The following WDR25 variants were observed in gnomAD, a reference collection of about 807,000 sequenced individuals.
WDR25 encodes the protein WD repeat-containing protein 25.
In WDR25, 35 loss-of-function variants were observed where a neutral mutation model predicts 47.7. The observed-to-expected ratio is 0.73, with a 90% CI of 0.56 to 0.97. The LOEUF is 0.97. Ranked by LOEUF, WDR25 falls within the 50% of genes least tolerant of loss-of-function variation. The probability of loss-of-function intolerance (pLI) is 0.00; values close to 1 mark genes in which losing one functional copy is unlikely to be tolerated. For missense variants in WDR25, 634 were observed against 704.7 expected, an observed-to-expected ratio of 0.90 and a Z score of 1.14; for synonymous variants, 248 against 278.9, an observed-to-expected ratio of 0.89 and a Z score of 1.10.
chr14:100,460,357 C>T (rs1352975141), intron 2 of WDR25, among the ~76,000 whole-genome samples: 1 of 152,084 alleles, frequency 6.6e-6, no homozygotes, highest in African/African-American at 2.4e-5. Context: ...CATGATCCGC[C>T]TGCCTCGGCC....
At chr14:100,513,221 A>G in intron 4 of WDR25, among the ~76,000 whole-genome samples, 1 of 152,234 alleles carries the variant, frequency 6.6e-6, no homozygotes, top group Middle Eastern at 3.2e-3. Flanking sequence ...CTTAAACCCC[A>G]AAGGGATGGT....
chr14:100,427,360 C>T (rs1033284356), intron 2 of WDR25, among the ~76,000 whole-genome samples: 2 of 152,194 alleles, frequency 1.3e-5, no homozygotes, highest in African/African-American at 2.4e-5. Context: ...CTGTCCCGCT[C>T]CAAATGTATC....
At chr14:100,434,929 A>G (rs770604648) in intron 2 of WDR25, among the ~76,000 whole-genome samples, 2 of 152,228 alleles carry the variant, frequency 1.3e-5, no homozygotes, top group Non-Finnish European at 2.9e-5. Flanking sequence ...GCGCCTGAGC[A>G]GGCTACATTA....
Position 100,525,912 on chromosome 14 carries a change from A to G in WDR25, c.1144A>G (p.Ile382Val). The G allele has an allele frequency of 3.1e-6, 5 of 1,613,934 alleles. No individual in the cohort carries two copies. Among genetic ancestry groups the G allele is most frequent in the Non-Finnish European group, 4.2e-6 (5 of 1,179,942 alleles). The change falls in exon 5 of 7, where the codon ATC (isoleucine) becomes GTC (valine). Residue 382 changes from isoleucine to valine, a missense_variant. Coordinates refer to ENST00000402312, the MANE Select transcript of WDR25 (RefSeq NM_001161476.3). The surrounding 1 kb of genome is among the most constrained non-coding windows in gnomAD (Gnocchi z 4.6). ...YKATIQQTLD[I>V]LFLREGSEFL... The stretch of plus-strand genomic sequence containing the variant: ...GGCGACCATCCAGCAGACCTTGGAC[A>G]TCCTGTTCCTCCGGGAAGGCTCCGA...
chr14:100,492,575 G>A (rs1372316254), intron 4 of WDR25, among the ~76,000 whole-genome samples: 1 of 152,172 alleles, frequency 6.6e-6, no homozygotes, highest in African/African-American at 2.4e-5. Context: ...CTATAAATAT[G>A]ATGTTTCTGT....
At chr14:100,441,454 C>T (rs1898667224) in intron 2 of WDR25, among the ~76,000 whole-genome samples, 1 of 152,088 alleles carries the variant, frequency 6.6e-6, no homozygotes, top group Non-Finnish European at 1.5e-5. Flanking sequence ...CCAGACAGGT[C>T]TTACCTCTGG....
At chr14:100,466,120 A>T (rs1390095702) in intron 2 of WDR25, among the ~76,000 whole-genome samples, 1 of 152,150 alleles carries the variant, frequency 6.6e-6, no homozygotes, top group African/African-American at 2.4e-5. Context: ...GTGAATTCTT[A>T]TTCCACTTTG....
At chr14:100,441,163 T>G (rs914024025) in intron 2 of WDR25, among the ~76,000 whole-genome samples, 12 of 152,138 alleles carry the variant, frequency 7.9e-5, no homozygotes, top group African/African-American at 2.7e-4. Context: ...GGTATGGACA[T>G]CATGAGGGAC....
chr14:100,501,728 T>A (rs1354142059), intron 4 of WDR25, among the ~76,000 whole-genome samples: 2 of 152,170 alleles, frequency 1.3e-5, no homozygotes, highest in South Asian at 4.1e-4. Context: ...GATTCCCACA[T>A]GGCAACAAGC....
At chr14:100,478,342 C>G (rs1900088649) in intron 3 of WDR25, among the ~76,000 whole-genome samples, 1 of 152,178 alleles carries the variant, frequency 6.6e-6, no homozygotes, top group South Asian at 2.1e-4. Flanking sequence ...GCCCAAGGCC[C>G]CTCCACTGGA....
chr14:100,425,300 G>A lies in WDR25; in HGVS notation c.823-42721G>A, dbSNP rs1376188945. Among the ~76,000 whole-genome samples the A allele has an allele frequency of 6.6e-6, 1 of 152,152 alleles. No homozygotes were observed. Among genetic ancestry groups the A allele is most frequent in the African/African-American group, 2.4e-5 (1 of 41,424 alleles). ...ACCCCATGGGCCTAAGCTGTAACGGGGCAGGGCTGTCACTTGCACTGACTC... is the reference window on the plus strand; with the variant it reads ...ACCCCATGGGCCTAAGCTGTAACGGAGCAGGGCTGTCACTTGCACTGACTC... On this transcript the variant is annotated intron_variant, in intron 2 of 6. Coordinates refer to ENST00000402312, the MANE Select transcript of WDR25 (RefSeq NM_001161476.3). This position sits in a 1 kb window ranked among gnomAD's most constrained non-coding sequence, Gnocchi z 4.8.
intron 2 of WDR25, among the ~76,000 whole-genome samples, chr14:100,397,216 T>G (rs1224929002): frequency 6.6e-6 from 1 of 152,250 alleles, no homozygotes; most frequent in African/African-American, 2.4e-5. Context: ...CCAAAACCTT[T>G]GGAAAGCTTT....
intron 2 of WDR25, among the ~76,000 whole-genome samples, chr14:100,401,181 C>T (rs958891402): frequency 6.6e-6 from 1 of 152,176 alleles, no homozygotes; most frequent in Non-Finnish European, 1.5e-5. Context: ...GGCGGCTGCT[C>T]GCTGTTCCTG....
At chr14:100,445,194 G>T (rs1566912780) in intron 2 of WDR25, among the ~76,000 whole-genome samples, 1 of 152,192 alleles carries the variant, frequency 6.6e-6, no homozygotes, top group Non-Finnish European at 1.5e-5. Context: ...TATTATCAAT[G>T]CATTTCTCTG....
intron 4 of WDR25, among the ~76,000 whole-genome samples, chr14:100,516,235 G>A (rs1430730298): frequency 6.6e-6 from 1 of 152,056 alleles, no homozygotes; most frequent in Non-Finnish European, 1.5e-5. Flanking sequence ...GGCCAATTTT[G>A]CCTCATTTCT....
intron 2 of WDR25, among the ~76,000 whole-genome samples, chr14:100,418,772 G>A (rs1029247459): frequency 2.6e-4 from 39 of 152,182 alleles, no homozygotes; most frequent in African/African-American, 9.4e-4. Context: ...GTGGCGGGGG[G>A]GGGTCCTACT....
At chr14:100,419,330 A>G (rs935309866) in intron 2 of WDR25, among the ~76,000 whole-genome samples, 1 of 149,864 alleles carries the variant, frequency 6.7e-6, no homozygotes, top group African/African-American at 2.5e-5. Flanking sequence ...CCTGCTGTCT[A>G]CCCTGTGATG....
chr14:100,434,344 C>G (rs888267549), intron 2 of WDR25, among the ~76,000 whole-genome samples: 1 of 152,318 alleles, frequency 6.6e-6, no homozygotes, highest in African/African-American at 2.4e-5. Context: ...AACAGTGAAA[C>G]CTGGCTTCCT....
At chr14:100,388,641 G>A (rs191044080) in intron 2 of WDR25, among the ~76,000 whole-genome samples, 1 of 152,266 alleles carries the variant, frequency 6.6e-6, no homozygotes, top group African/African-American at 2.4e-5. Context: ...TGAAAGCCGC[G>A]ACATTTCTGA....
Sources: gnomAD v4.1 joint callset for allele counts (sites outside exome capture counted in the v4.1 genomes callset) on GRCh38, gnomAD v4.1.1 for gene constraint, Gnocchi (gnomAD v3.1) non-coding constraint, MANE v1.5 for transcripts, NCBI Gene and HGNC (gene_info 2026-07-23, HGNC 2026-07-21) for gene names.